PTGR3: variants seen among roughly 807,000 people sequenced by gnomAD.
PTGR3 encodes zinc binding alcohol dehydrogenase domain containing 2.
chr18:75,205,454 G>T, the PTGR3 span: 9 of 985,262 alleles, frequency 9.1e-6, no homozygotes, highest in East Asian at 1.0e-3. Flanking sequence ...CCACTTAAAA[G>T]ACTAAAATCC....
chr18:75,202,326 T>A, the PTGR3 span: 1 of 1,605,490 alleles, frequency 6.2e-7, no homozygotes, highest in Non-Finnish European at 8.5e-7. Flanking sequence ...GTCAGATGCG[T>A]TAACACCAAC....
chr18:75,206,054 A>T, the PTGR3 span, among the ~76,000 whole-genome samples: 1 of 152,184 alleles, frequency 6.6e-6, no homozygotes, highest in African/African-American at 2.4e-5. Context: ...TAACCTGGGG[A>T]TGTCTCTCTC....
At chr18:75,203,758 T>C in the PTGR3 span, among the ~76,000 whole-genome samples, 6 of 150,404 alleles carry the variant, frequency 4.0e-5, no homozygotes, top group African/African-American at 7.3e-5. Context: ...ATTTTTTTTT[T>C]CCTACATTCT....
chr18:75,207,207 C>G, the PTGR3 span, among the ~76,000 whole-genome samples: 1 of 152,224 alleles, frequency 6.6e-6, no homozygotes, highest in Non-Finnish European at 1.5e-5. Flanking sequence ...CCCTGCCCTT[C>G]CTCGCTCAGT....
the PTGR3 span, chr18:75,196,132 TC>T: frequency 6.6e-6 from 1 of 152,176 alleles, no homozygotes; most frequent in Non-Finnish European, 1.5e-5. Context: ...CCTGTTCAGT[TC>T]TTTAGGTGCC....
chr18:75,200,215 G>A, the PTGR3 span: 1 of 152,308 alleles, frequency 6.6e-6, no homozygotes, highest in South Asian at 2.1e-4. Flanking sequence ...GGGCACTAAA[G>A]GTTAAGAGGG....
the PTGR3 span, among the ~76,000 whole-genome samples, chr18:75,202,643 T>C: frequency 1.3e-4 from 20 of 150,394 alleles, no homozygotes. Flanking sequence ...TTTATTTGTC[T>C]TCTTTCAAAA....
At chr18:75,205,095 G>A in the PTGR3 span, 44 of 944,728 alleles carry the variant, frequency 4.7e-5, no homozygotes, top group African/African-American at 8.9e-5. Flanking sequence ...CCTCCGGTTC[G>A]CGGACCCCCA....
the PTGR3 span, chr18:75,198,542 G>A: frequency 6.6e-6 from 1 of 151,142 alleles, no homozygotes; most frequent in South Asian, 2.1e-4. Flanking sequence ...TTAATGCTGA[G>A]GTCAGTTAAC....
the PTGR3 span, chr18:75,196,839 C>CGA: frequency 2.0e-5 from 3 of 151,962 alleles, no homozygotes; most frequent in Non-Finnish European, 4.4e-5. Context: ...AGAATAGACT[C>CGA]GAGGACAATG....
the PTGR3 span, chr18:75,195,140 T>C: frequency 6.6e-6 from 1 of 152,244 alleles, no homozygotes; most frequent in African/African-American, 2.4e-5. Context: ...ATTTGATTTG[T>C]AAGAACACAT....
the PTGR3 span, chr18:75,201,403 CATT>C: frequency 2.5e-6 from 4 of 1,592,324 alleles, no homozygotes; most frequent in Admixed American, 1.7e-5. Flanking sequence ...TGATTTATGT[CATT>C]GTTCTGTTTT....
chr18:75,206,299 A>T, the PTGR3 span, among the ~76,000 whole-genome samples: 2 of 152,238 alleles, frequency 1.3e-5, no homozygotes, highest in Non-Finnish European at 1.5e-5. Flanking sequence ...TTGTGCTAAG[A>T]TGCAATGAAA....
chr18:75,209,103 CGGCCCCCG>C, the PTGR3 span: 55 of 1,405,004 alleles, frequency 3.9e-5, no homozygotes, highest in Non-Finnish European at 4.9e-5. The surrounding 1 kb of genome is among the most constrained non-coding windows in gnomAD (Gnocchi z 4.7). Context: ...TGGCCGGGGT[CGGCCCCCG>C]CCCGGGCCGC....
the PTGR3 span, chr18:75,199,776 T>TA: frequency 6.5e-6 from 1 of 152,674 alleles, no homozygotes; most frequent in East Asian, 1.9e-4. Flanking sequence ...CCTCTAGTGC[T>TA]ATTTGTCTTT....
At chr18:75,208,465 A>G in the PTGR3 span, 3 of 1,010,662 alleles carry the variant, frequency 3.0e-6, no homozygotes, top group Non-Finnish European at 3.5e-6. Flanking sequence ...TCCACCCTAA[A>G]GATTATGTCA....
chr18:75,205,113 CG>C, the PTGR3 span: 1 of 977,346 alleles, frequency 1.0e-6, no homozygotes, highest in Non-Finnish European at 1.2e-6. Context: ...CCACCTCCAC[CG>C]GGATCCCTGC....
chr18:75,205,094 C>T, the PTGR3 span: 1 of 945,826 alleles, frequency 1.1e-6, no homozygotes, highest in African/African-American at 1.8e-5. Context: ...GCCTCCGGTT[C>T]GCGGACCCCC....
chr18:75,208,471 T>G, the PTGR3 span: 1 of 1,016,480 alleles, frequency 9.8e-7, no homozygotes, highest in South Asian at 4.6e-5. Flanking sequence ...CTAAAGATTA[T>G]GTCAACGCAG....
Sources: allele counts gnomAD v4.1 joint callset (sites outside exome capture counted in the v4.1 genomes callset), GRCh38; gene constraint gnomAD v4.1.1; non-coding constraint Gnocchi (gnomAD v3.1); transcripts MANE v1.5; gene names NCBI Gene and HGNC (gene_info 2026-07-23, HGNC 2026-07-21).